The following ARL15 variants were observed in gnomAD, a reference collection of about 807,000 sequenced individuals.
ARL15 encodes the protein ARF like GTPase 15.
Under a neutral mutation model 25.2 loss-of-function variants are expected in ARL15, and 19 were observed. The observed-to-expected ratio is 0.75, with a 90% CI of 0.53 to 1.10. ARL15 has a LOEUF of 1.10. Ranked by LOEUF, ARL15 falls within the 50% of genes least tolerant of loss-of-function variation. The pLI, the probability that ARL15 is intolerant of heterozygous loss-of-function variation, is 0.00. For synonymous variants in ARL15, 94 were observed against 86.8 expected (o/e 1.08, Z -0.46); for missense variants, 220 against 246.0 (o/e 0.89, Z 0.71).
chr5:54,299,466 C>T (rs1363718288), intron 1 of ARL15, among the ~76,000 whole-genome samples: 1 of 151,914 alleles, frequency 6.6e-6, no homozygotes, highest in Non-Finnish European at 1.5e-5. Context: ...GTTTTCTAAT[C>T]TCTAAAACGA....
intron 4 of ARL15, among the ~76,000 whole-genome samples, chr5:54,101,949 T>C (rs1752450527): frequency 6.6e-6 from 1 of 152,116 alleles, no homozygotes; most frequent in East Asian, 1.9e-4. Flanking sequence ...ATATTAAACA[T>C]TTAAATAATT....
At chr5:54,005,129 G>A (rs1748983165) in intron 4 of ARL15, among the ~76,000 whole-genome samples, 1 of 152,220 alleles carries the variant, frequency 6.6e-6, no homozygotes, top group South Asian at 2.1e-4. Context: ...TAGGATTACA[G>A]GCATGAGCCA....
At chr5:53,957,065 T>TA (rs571942134) in intron 4 of ARL15, among the ~76,000 whole-genome samples, 106 of 151,290 alleles carry the variant, frequency 7.0e-4, no homozygotes, top group African/African-American at 2.4e-3. Context: ...TCCCCAAATG[T>TA]AAAAAAAAGA....
chr5:53,910,674 A>ATATAG (rs1374904754), intron 4 of ARL15, among the ~76,000 whole-genome samples: 1 of 87,764 alleles, frequency 1.1e-5, no homozygotes, highest in Non-Finnish European at 2.1e-5. Context: ...TATATATATA[A>ATATAG]AGAAAACGTC....
At chr5:54,267,017 T>C (rs1196791730) in intron 1 of ARL15, among the ~76,000 whole-genome samples, 1 of 152,234 alleles carries the variant, frequency 6.6e-6, no homozygotes. Context: ...TGGATATTTA[T>C]TAAATGGTGG....
chr5:54,141,407 A>G (rs886534414), intron 3 of ARL15, among the ~76,000 whole-genome samples: 2 of 152,140 alleles, frequency 1.3e-5, no homozygotes, highest in Non-Finnish European at 2.9e-5. Context: ...GTCTAGAATA[A>G]ATTTTCATTG....
chr5:53,995,442 A>G (rs1748639588), intron 4 of ARL15, among the ~76,000 whole-genome samples: 1 of 151,958 alleles, frequency 6.6e-6, no homozygotes, highest in African/African-American at 2.4e-5. Flanking sequence ...AAAAATGACT[A>G]TACTGCTTAT....
At chr5:53,955,266 C>G (rs1291945359) in intron 4 of ARL15, among the ~76,000 whole-genome samples, 1 of 151,972 alleles carries the variant, frequency 6.6e-6, no homozygotes, top group African/African-American at 2.4e-5. Context: ...ATAAAATTTT[C>G]GATCTAATCA....
At chr5:54,292,392 T>C (rs528279714) in intron 1 of ARL15, among the ~76,000 whole-genome samples, 7 of 152,328 alleles carry the variant, frequency 4.6e-5, no homozygotes, top group African/African-American at 1.7e-4. Context: ...TTCTGACATG[T>C]CGTGTGGATA....
At chr5:54,065,487 G>A (rs13182066) in intron 4 of ARL15, among the ~76,000 whole-genome samples, 7 of 152,032 alleles carry the variant, frequency 4.6e-5, no homozygotes, top group African/African-American at 1.4e-4. Flanking sequence ...CCAACATAGC[G>A]AAACCCTGTC....
chr5:53,957,084 T>C (rs577614038), intron 4 of ARL15, among the ~76,000 whole-genome samples: 2 of 152,168 alleles, frequency 1.3e-5, no homozygotes, highest in South Asian at 2.1e-4. Context: ...GACACAAATC[T>C]ATACAGTCAA....
At chr5:54,191,041 A>T (rs564622724) in intron 1 of ARL15, among the ~76,000 whole-genome samples, 1 of 152,336 alleles carries the variant, frequency 6.6e-6, no homozygotes, top group South Asian at 2.1e-4. Flanking sequence ...TAACAGCTAA[A>T]GCATAGAAGT....
intron 3 of ARL15, among the ~76,000 whole-genome samples, chr5:54,151,897 T>C (rs995112363): frequency 3.9e-5 from 6 of 151,984 alleles, no homozygotes; most frequent in Non-Finnish European, 8.8e-5. Context: ...GCCTTGGAAC[T>C]ATCTGAAATG....
chr5:54,226,661 TAAAA>T (rs200575015), intron 1 of ARL15, among the ~76,000 whole-genome samples: 1 of 151,940 alleles, frequency 6.6e-6, no homozygotes, highest in South Asian at 2.1e-4. Flanking sequence ...TCTAAGTTAT[TAAAA>T]AAAATGAGTA....
intron 1 of ARL15, among the ~76,000 whole-genome samples, chr5:54,296,686 G>A (rs564384908): frequency 1.3e-5 from 2 of 152,348 alleles, no homozygotes; most frequent in South Asian, 4.1e-4. Context: ...GTTCACAATG[G>A]GGATCTGGGC....
In ARL15 at chr5:53,936,912, C is replaced by A. The variant is rs116276887; in HGVS notation, c.463-50199G>T. On this transcript the variant is annotated intron_variant, in intron 4 of 4. Coordinates refer to ENST00000504924, the MANE Select transcript of ARL15 (RefSeq NM_019087.3). ...TTTACTTTAAAAAGACTAAACTAAT[C>A]CCAAATGCTGCTAATCAAATCCAAA... 4.9e-3 allele frequency among the ~76,000 whole-genome samples: 744 copies of A among 152,276 alleles called. 2 individuals are homozygous for A. Among genetic ancestry groups the A allele is most frequent in the Admixed American group, 8.8e-3 (135 of 15,292 alleles).
At chr5:53,989,740 C>A (rs1397953826) in intron 4 of ARL15, among the ~76,000 whole-genome samples, 1 of 151,066 alleles carries the variant, frequency 6.6e-6, no homozygotes, top group East Asian at 2.0e-4. Context: ...GCCAAAGAAC[C>A]AAAAGCCTTA....
chr5:54,152,168 C>T (rs912990308), intron 3 of ARL15, among the ~76,000 whole-genome samples: 9 of 152,166 alleles, frequency 5.9e-5, no homozygotes, highest in African/African-American at 2.2e-4. Flanking sequence ...TATCTTCACA[C>T]ATTGATCATA....
At chr5:53,887,487 C>T (rs1744570233) in intron 4 of ARL15, 2 of 642,808 alleles carry the variant, frequency 3.1e-6, no homozygotes, top group South Asian at 1.7e-5. Context: ...AGCATACTGA[C>T]TAACGGCATT....
Sources: allele counts gnomAD v4.1 joint callset (sites outside exome capture counted in the v4.1 genomes callset), GRCh38; gene constraint gnomAD v4.1.1; transcripts MANE v1.5; gene names NCBI Gene and HGNC (gene_info 2026-07-23, HGNC 2026-07-21).